The following SIGIRR variants were observed in gnomAD, a reference collection of about 807,000 sequenced individuals.
The protein encoded by SIGIRR is single Ig and TIR domain containing, also known as single Ig IL-1-related receptor.
Under a neutral mutation model 45.6 loss-of-function variants are expected in SIGIRR, and 41 were observed. The observed-to-expected ratio is 0.90, with a 90% confidence interval of 0.70 to 1.17. The LOEUF (loss-of-function observed/expected upper bound fraction) is 1.17, where lower values mean the gene tolerates loss of function less well. Ranked by LOEUF, SIGIRR falls within the 50% of genes most tolerant of loss-of-function variation. The pLI, the probability that SIGIRR is intolerant of heterozygous loss-of-function variation, is 0.00. For synonymous variants in SIGIRR, 298 were observed against 239.0 expected, an observed-to-expected ratio of 1.25 and a Z score of -2.28; for missense variants, 599 against 539.6, an observed-to-expected ratio of 1.11 and a Z score of -1.09.
At chr11:408,568 T>C in intron 3 of SIGIRR, 127 bp downstream of exon 3, 1 of 1,134,616 alleles carries the variant, frequency 8.8e-7, no homozygotes, top group Non-Finnish European at 1.3e-6. Context: ...TCCGTCTGGG[T>C]CCACAGAGGC....
chr11:408,277 G>T, intron 3 of SIGIRR, 71 bp from the exon 4 acceptor site: 1 of 1,565,558 alleles, frequency 6.4e-7, no homozygotes, highest in Non-Finnish European at 8.6e-7. Context: ...CACCTGTCTG[G>T]GTTCACCCAG....
chr11:407,438 G>A lies in SIGIRR; in HGVS notation c.612C>T (p.Leu204=). The A allele has an allele frequency of 6.5e-7, 1 of 1,549,860 alleles. No individual in the cohort carries two copies. The highest frequency in any genetic ancestry group is 1.2e-5 in the South Asian group (1 of 84,380). Residue 204 remains leucine (L), a synonymous_variant, in exon 6 of 10, where the codon CTC becomes CTT. Transcript: ENST00000431843. ...GGCCCGGGATACCAGCGCGCGGCAG[G>A]AGGTCGCGGTCGTCCAGGAAGAGCT... The part of the protein sequence containing the change: ...GYKLFLDDRD[L]LPRAEPSADL...
intron 1 of SIGIRR, among the ~76,000 whole-genome samples, chr11:414,337 A>C (rs1290328495): frequency 1.8e-4 from 6 of 34,062 alleles, no homozygotes; most frequent in Admixed American, 7.2e-4. Context: ...CTTTCCCTGC[A>C]CCCTCTCCCC....
intron 2 of SIGIRR, 191 bp from the exon 3 acceptor site, chr11:409,084 T>A: frequency 1.6e-6 from 1 of 622,936 alleles, no homozygotes; most frequent in Non-Finnish European, 2.9e-6. Context: ...AGGCTTTGGG[T>A]GTTCCGCCCA....
chr11:414,713 C>T (rs1847831738), intron 1 of SIGIRR, 110 bp downstream of exon 1: 1 of 744,458 alleles, frequency 1.3e-6, no homozygotes. Context: ...GCCCCTCGCT[C>T]TGTCTCACAC....
At chr11:415,954 C>T (rs760357293), upstream of SIGIRR, among the ~76,000 whole-genome samples, 15 of 152,182 alleles carry the variant, frequency 9.9e-5, no homozygotes, top group Non-Finnish European at 1.5e-5. This position sits in a 1 kb window ranked among gnomAD's most constrained non-coding sequence, Gnocchi z 6.6. Flanking sequence ...CCTGGCTGAG[C>T]ACCCTCTCAG....
At chr11:408,649 G>A in intron 3 of SIGIRR, 46 bp downstream of exon 3, 2 of 1,604,066 alleles carry the variant, frequency 1.2e-6, no homozygotes, top group Non-Finnish European at 1.7e-6. Context: ...ACTGCCCTTG[G>A]CATGTCTGAG....
rs370989212 is a variant in SIGIRR, at chr11:412,605, G to C, written c.-154+2218C>G. Among the ~76,000 whole-genome samples the C allele has an allele frequency of 4.7e-3, 57 of 12,050 alleles. 17 individuals are homozygous for C. The East Asian group carries it at 0.24, about 51-fold the overall frequency. The allele number at this position is 12,050 out of a possible 152,430, so 7.9% of individuals were successfully genotyped here. On this transcript the variant is annotated intron_variant, in intron 1 of 9. Transcript: ENST00000431843. ...TCTGAACATGTCTGGATACAGTCGG[G>C]GGGGGGTGCCCAGCTCTGAACATGT...
At chr11:411,197 G>T (rs113252104) in intron 1 of SIGIRR, among the ~76,000 whole-genome samples, 1 of 19,198 alleles carries the variant, frequency 5.2e-5, no homozygotes, top group Non-Finnish European at 1.0e-4. Flanking sequence ...TCGGGGGGGG[G>T]GGTGCCCAGC....
rs751949209 is a variant in SIGIRR, at chr11:405,938, G to C, written c.1191C>G (p.Ala397=). Reference sequence around the variant, plus strand: ...ACACCAGGCAGTAGAAGTCTGTGCGGGCACTGTAGTTTCGCGAGCCGAGAT... The same window carrying C: ...ACACCAGGCAGTAGAAGTCTGTGCGCGCACTGTAGTTTCGCGAGCCGAGAT... ...VSDLGSRNYS[A]RTDFYCLVSK... Residue 397 remains alanine, a synonymous_variant, in exon 10 of 10, where the codon GCC becomes GCG. Coordinates refer to ENST00000431843, the MANE Select transcript of SIGIRR (RefSeq NM_001135054.2). 1.2e-6 allele frequency: 2 copies of C among 1,611,522 alleles called. No homozygotes were observed. The highest frequency in any genetic ancestry group is 3.3e-5 in the Admixed American group (2 of 59,938).
At chr11:406,766 G>T in intron 8 of SIGIRR, 77 bp downstream of exon 8, 1 of 1,442,312 alleles carries the variant, frequency 6.9e-7, no homozygotes, top group Non-Finnish European at 9.1e-7. Context: ...CCCACGGAGG[G>T]GTCCCAGCCT....
At chr11:413,752 G>A (rs10902161) in intron 1 of SIGIRR, among the ~76,000 whole-genome samples, 36,347 of 91,980 alleles carry the variant, frequency 0.4, 6,491 homozygotes, top group East Asian at 0.7. Context: ...TCTCCCCTAC[G>A]CACCTTCCCC....
intron 2 of SIGIRR, 67 bp downstream of exon 2, chr11:409,801 G>T: frequency 4.4e-6 from 6 of 1,363,192 alleles, no homozygotes; most frequent in Non-Finnish European, 5.7e-6. Context: ...TGCACAATGT[G>T]GAGCCAGCCT....
chr11:408,813 GAGCCACTGAGCTGCCCAAGGCAGGCCTC>G lies in SIGIRR; in HGVS notation c.60_87del (p.Arg21Ter), dbSNP rs1158028759. On this transcript the variant is annotated frameshift_variant, in exon 3 of 10. Transcript: ENST00000431843. LOFTEE classifies it high-confidence loss of function. ...GAGACTACCCAAGCCGTGCAGTTCAGAGCCACTGAGCTGCCCAAGGCAGGCCTCAGCACCTGGTCTTCAGACGGGGAGA... is the reference window on the plus strand; with the variant it reads ...GAGACTACCCAAGCCGTGCAGTTCAGAGCACCTGGTCTTCAGACGGGGAGA... The G allele has an allele frequency of 6.2e-7, 1 of 1,612,686 alleles. No individual in the cohort carries two copies. The highest frequency in any genetic ancestry group is 1.7e-5 in the Admixed American group (1 of 60,006).
upstream of SIGIRR, among the ~76,000 whole-genome samples, chr11:415,802 T>C (rs1447622032): frequency 6.6e-6 from 1 of 152,174 alleles, no homozygotes; most frequent in African/African-American, 2.4e-5. This position sits in a 1 kb window ranked among gnomAD's most constrained non-coding sequence, Gnocchi z 6.6. Flanking sequence ...ACTCCCCAGG[T>C]TGACCTGGGA....
chr11:407,412 G>T lies in SIGIRR; in HGVS notation c.625+13C>A. The T allele has an allele frequency of 6.5e-7, 1 of 1,535,374 alleles. No homozygotes were observed. Among genetic ancestry groups the T allele is most frequent in the Non-Finnish European group, 8.8e-7 (1 of 1,140,210 alleles). ...CTCCGGGTGGGCGGGGCACGGGGTGGGGCCCGGGATACCAGCGCGCGGCAG... is the reference window on the plus strand; with the variant it reads ...CTCCGGGTGGGCGGGGCACGGGGTGTGGCCCGGGATACCAGCGCGCGGCAG... On this transcript the variant is annotated intron_variant, in intron 6 of 9. Transcript: ENST00000431843.
intron 1 of SIGIRR, among the ~76,000 whole-genome samples, chr11:410,665 G>A (rs1257695897): frequency 1.1e-5 from 1 of 90,318 alleles, no homozygotes; most frequent in Admixed American, 1.0e-4. Flanking sequence ...ATACAGCCGG[G>A]GGGGGTGCCC....
chr11:406,829 CGCCTGCTCCGCACCACGGAGCCGG>C lies in SIGIRR; in HGVS notation c.869_879+13del, dbSNP rs1847332159. 1.3e-6 allele frequency: 2 copies of C among 1,528,216 alleles called. No homozygotes were observed. The highest frequency in any genetic ancestry group is 8.8e-7 in the Non-Finnish European group (1 of 1,142,552). The allele number at this position is 1,528,216 out of a possible 1,614,324, so 94.7% of individuals were successfully genotyped here. A position where few individuals can be genotyped will look rare whatever the true frequency, so the allele number is the denominator to read the frequency against. On this transcript the variant is annotated splice_donor_variant and splice_donor_5th_base_variant and coding_sequence_variant and intron_variant, in exon 8 of 10. Transcript: ENST00000431843. LOFTEE classifies it high-confidence loss of function. ...CCGCCGCTAGCCCCGGACCCTCCCG[CGCCTGCTCCGCACCACGGAGCCGG>C]GCCTCCAGAGCAGCAAGGTCACCAG...
rs2133619367 is a variant in SIGIRR at position 407,182 on chromosome 11, T to C, written c.626-18A>G. ...GGAGGGCTCTGCGGGAGGGCGGGCG[T>C]CGGCGGCGCAGGGGCGGGGGCGGGG... On this transcript the variant is annotated intron_variant, in intron 6 of 9. Transcript: ENST00000431843. 2 of 814,660 alleles carry C rather than the reference T, an allele frequency of 2.5e-6. No individual in the cohort carries two copies. The highest frequency in any genetic ancestry group is 2.2e-5 in the South Asian group (1 of 45,016). 50.5% of individuals were successfully genotyped at this position (814,660 alleles called of 1,614,324 possible).
Sources: gnomAD v4.1 joint callset for allele counts (sites outside exome capture counted in the v4.1 genomes callset) on GRCh38, gnomAD v4.1.1 for gene constraint, Gnocchi (gnomAD v3.1) non-coding constraint, MANE v1.5 for transcripts, NCBI Gene and HGNC (gene_info 2026-07-23, HGNC 2026-07-21) for gene names.